INTS1: variants seen among roughly 807,000 people sequenced by gnomAD.
INTS1 encodes the protein integrator complex subunit 1.
In INTS1, 137 loss-of-function variants were observed where a neutral mutation model predicts 241.6. The observed-to-expected ratio is 0.57, with a 90% confidence interval of 0.49 to 0.65. The LOEUF (loss-of-function observed/expected upper bound fraction) is 0.65. INTS1 is among the 30% of genes least tolerant of loss of function. The pLI, the probability that INTS1 is intolerant of heterozygous loss-of-function variation, is 0.00. For missense variants in INTS1, 3,073 were observed against 3,032.2 expected (o/e 1.01, Z -0.32); for synonymous variants, 1,692 against 1,337.8 (o/e 1.26, Z -5.78).
intron 27 of INTS1, among the ~76,000 whole-genome samples, chr7:1,482,033 C>T (rs1013920379): frequency 6.6e-6 from 1 of 152,188 alleles, no homozygotes; most frequent in Non-Finnish European, 1.5e-5. Flanking sequence ...GGGCACACAA[C>T]AGCCTAGACC....
intron 14 of INTS1, chr7:1,494,599 G>A (rs1003925336): frequency 1.8e-5 from 11 of 609,098 alleles, no homozygotes; most frequent in Non-Finnish European, 3.2e-5. Flanking sequence ...GAGTCACGTG[G>A]ACGCAGACGG....
intron 40 of INTS1, 51 bp downstream of exon 40, chr7:1,474,653 AC>A (rs1281357022): frequency 5.3e-6 from 8 of 1,515,916 alleles, no homozygotes; most frequent in Admixed American, 2.1e-5. Context: ...AGAGCCGCAG[AC>A]CCCCCTGGTT....
rs754715231 is a variant in INTS1 at position 1,473,180 on chromosome 7, G to A, written c.5962C>T (p.Leu1988=). 1 of 1,607,860 alleles carries A rather than the reference G, an allele frequency of 6.2e-7. No homozygotes were observed. The highest frequency in any genetic ancestry group is 2.2e-5 in the East Asian group (1 of 44,804). ...LQKHADPLHD[L]SFDNSDLVML... is the part of the protein sequence containing the mutation. Reference sequence around the variant, plus strand: ...ACCAGGTCACTGTTGTCGAAGGACAGGTCGCTGGGGAGAGAAGATGCTTTC... The same window carrying A: ...ACCAGGTCACTGTTGTCGAAGGACAAGTCGCTGGGGAGAGAAGATGCTTTC... The change falls in exon 43 of 48, where the codon CTG becomes TTG. Residue 1988 remains leucine, a synonymous_variant. Coordinates refer to ENST00000404767, the MANE Select transcript of INTS1 (RefSeq NM_001080453.3).
At position 1,487,018 on chromosome 7, in the gene INTS1, C is replaced by A; in HGVS notation, c.2730G>T (p.Leu910=). 6.2e-7 allele frequency: 1 copy of A among 1,602,596 alleles called. No individual in the cohort carries two copies. Residue 910 remains leucine, a synonymous_variant, in exon 21 of 48, where the codon CTG becomes CTT. Transcript: ENST00000404767. ...GSLDVLPVQC[L]CEFLLHDAVD... ...CAGCATCGTGCAGCAGGAACTCGCA[C>A]AGACACTGCACGGGCAGCACGTCCA...
chr7:1,478,888 G>A lies in INTS1; in HGVS notation c.4330-3C>T, dbSNP rs751913680. The A allele has an allele frequency of 1.9e-6, 3 of 1,596,412 alleles. No individual in the cohort carries two copies. Among genetic ancestry groups the A allele is most frequent in the Non-Finnish European group, 2.6e-6 (3 of 1,167,402 alleles). ...CCGGTGTCCTGTGGCACACAGCGCTGCGGGGACAAAGTGGCACGTGGCTAC... is the reference window on the plus strand; with the variant it reads ...CCGGTGTCCTGTGGCACACAGCGCTACGGGGACAAAGTGGCACGTGGCTAC... On this transcript the variant is annotated splice_region_variant and splice_polypyrimidine_tract_variant and intron_variant, in intron 31 of 47. Transcript: ENST00000404767.
chr7:1,474,802 C>T lies in INTS1; in HGVS notation c.5539G>A (p.Ala1847Thr). 1.3e-6 allele frequency: 2 copies of T among 1,590,348 alleles called. 1 individual carries two copies. Among genetic ancestry groups the T allele is most frequent in the South Asian group, 2.3e-5 (2 of 87,044 alleles). ...GLIHRFITLL[A>T]DTSDSRALEN... ...AACGCCCGGGAGTCGCTGGTGTCCG[C>T]AAGGAGCGTGATGAAGCGGTGGATG... is the stretch of plus-strand genomic sequence containing the variant. Residue 1847 changes from alanine to threonine, a missense_variant, in exon 40 of 48, where the codon GCG (alanine) becomes ACG (threonine). Coordinates refer to ENST00000404767, the MANE Select transcript of INTS1 (RefSeq NM_001080453.3).
In INTS1 at chr7:1,477,545, C is replaced by A; in HGVS notation, c.4938+5G>T. On this transcript the variant is annotated splice_donor_5th_base_variant and intron_variant, in intron 35 of 47. Transcript: ENST00000404767. ...GTCCCCGTGCTGAAGCTGGGTGCCA[C>A]CCACCTTCCTCCGGGAGAAGAGCAG... The A allele has an allele frequency of 6.6e-7, 1 of 1,509,602 alleles. No individual in the cohort carries two copies. The highest frequency in any genetic ancestry group is 8.8e-7 in the Non-Finnish European group (1 of 1,130,940). The allele number at this position is 1,509,602 out of a possible 1,614,324, so 93.5% of individuals were successfully genotyped here. A position where few individuals can be genotyped will look rare whatever the true frequency, so the allele number is the denominator to read the frequency against.
intron 39 of INTS1, 44 bp from the exon 40 acceptor site, chr7:1,474,882 C>T (rs1277042344): frequency 1.9e-6 from 3 of 1,539,950 alleles, no homozygotes; most frequent in Non-Finnish European, 2.6e-6. Context: ...TGGCTCCCCT[C>T]ACTTGCCCAC....
Position 1,470,634 on chromosome 7 carries a change from G to C in INTS1, c.6516C>G (p.Asp2172Glu). The change falls in exon 48 of 48, where the codon GAC becomes GAG. Residue 2172 changes from aspartate (D) to glutamate (E), a missense_variant. Asp to Glu is a conservative substitution (Grantham distance 45, BLOSUM62 2). Transcript: ENST00000404767. ...GGGCCTCGGAGATCTGCGCGCTGGG[G>C]TCCATCTGGCCGTACATGCCCACCA... is the stretch of plus-strand genomic sequence containing the variant. ...AFLVGMYGQM[D>E]PSAQISEALR... 1 of 1,588,356 alleles carries C rather than the reference G, an allele frequency of 6.3e-7. No individual in the cohort carries two copies.
Position 1,497,262 on chromosome 7 carries a change from C to A in INTS1, c.1478G>T (p.Arg493Leu). ...CTCCCGCAGCAGGGCCCGCGAGGCC[C>A]GCAGGTAGTCGTCCTTGTTGGTCAG... ...DLLTNKDDYL[R>L]ASRALLREII... Residue 493 changes from arginine (R) to leucine (L), a missense_variant, in exon 11 of 48, where the codon CGG (arginine) becomes CTG (leucine). By Grantham distance (102) the Arg-to-Leu change is moderately radical. Coordinates refer to ENST00000404767, the MANE Select transcript of INTS1 (RefSeq NM_001080453.3). The surrounding 1 kb of genome is among the most constrained non-coding windows in gnomAD (Gnocchi z 5.3). 1 of 1,613,430 alleles carries A rather than the reference C, an allele frequency of 6.2e-7. No homozygotes were observed. The highest frequency in any genetic ancestry group is 8.5e-7 in the Non-Finnish European group (1 of 1,179,778).
At chr7:1,490,623 G>A (rs1052950216) in intron 16 of INTS1, among the ~76,000 whole-genome samples, 13 of 152,228 alleles carry the variant, frequency 8.5e-5, no homozygotes, top group African/African-American at 2.4e-4. Context: ...ATCGCAGGGC[G>A]TGGCCTCACT....
intron 42 of INTS1, 101 bp from the exon 43 acceptor site, chr7:1,473,285 C>T (rs1470874590): frequency 1.5e-6 from 1 of 686,694 alleles, no homozygotes; most frequent in African/African-American, 1.8e-5. Context: ...TGGACACAGG[C>T]ATGCAGGAGA....
Position 1,487,024 on chromosome 7 carries a change from C to T in INTS1, c.2724G>A (p.Gln908=), listed in dbSNP as rs199735314. 4.3e-5 allele frequency: 69 copies of T among 1,599,642 alleles called. 1 individual carries two copies. The African/African-American group carries it at 4.7e-4, about 11-fold the overall frequency. Residue 908 remains glutamine, a synonymous_variant, in exon 21 of 48, where the codon CAG becomes CAA. Transcript: ENST00000404767. ...SEGSLDVLPV[Q]CLCEFLLHDA... ...CGTGCAGCAGGAACTCGCACAGACA[C>T]TGCACGGGCAGCACGTCCAGGGAGC... is the stretch of plus-strand genomic sequence containing the variant.
intron 14 of INTS1, chr7:1,494,549 TG>T (rs1782751541): frequency 1.8e-6 from 1 of 548,462 alleles, no homozygotes; most frequent in Non-Finnish European, 3.3e-6. Context: ...TGGAAGCAAC[TG>T]GAAGGCGGGG....
Position 1,471,143 on chromosome 7 carries a change from T to C in INTS1, c.6337A>G (p.Asn2113Asp). The part of the protein sequence containing the change: ...AFSLALRSMQ[N>D]SPSIAAAFLP... Reference sequence around the variant, plus strand: ...CGGCGGTGGCCTCACCTGGGGCTGTTCTGCATGGAGCGCAGGGCCAGGCTG... The same window carrying C: ...CGGCGGTGGCCTCACCTGGGGCTGTCCTGCATGGAGCGCAGGGCCAGGCTG... The change falls in exon 46 of 48, where the codon AAC becomes GAC. Residue 2113 changes from asparagine to aspartate, a missense_variant. Asn to Asp is a conservative substitution (Grantham distance 23, BLOSUM62 1). Coordinates refer to ENST00000404767, the MANE Select transcript of INTS1 (RefSeq NM_001080453.3). 1.9e-6 allele frequency: 3 copies of C among 1,572,008 alleles called. No individual in the cohort carries two copies. The South Asian group carries it at 3.5e-5, about 18-fold the overall frequency.
In INTS1 at chr7:1,486,779, AG is replaced by A; in HGVS notation, c.2827-6del. ...CTGCCGCTGCTTCTGTTGCCTCTGC[AG>A]GGAGGAAGGGGCTCTCAGGGGTGCA... On this transcript the variant is annotated splice_region_variant and splice_polypyrimidine_tract_variant and intron_variant, in intron 21 of 47. Transcript: ENST00000404767. The A allele has an allele frequency of 6.2e-7, 1 of 1,611,428 alleles. No homozygotes were observed. The highest frequency in any genetic ancestry group is 1.1e-5 in the South Asian group (1 of 91,040).
At chr7:1,491,804 G>A (rs185412304) in intron 16 of INTS1, among the ~76,000 whole-genome samples, 82 of 152,290 alleles carry the variant, frequency 5.4e-4, no homozygotes, top group Middle Eastern at 3.4e-3. Context: ...AGGCCAAGGC[G>A]GGAGGACCGC....
intron 26 of INTS1, 31 bp downstream of exon 26, chr7:1,483,711 G>C (rs778120446): frequency 6.4e-7 from 1 of 1,564,288 alleles, no homozygotes; most frequent in East Asian, 2.2e-5. Flanking sequence ...CTGGCACGAA[G>C]CTGCCCCTCC....
rs1781497121 is a variant in INTS1 at position 1,472,111 on chromosome 7, T to A, written c.6184+162A>T. 3 of 622,930 alleles carry A rather than the reference T, an allele frequency of 4.8e-6. No individual in the cohort carries two copies. In the South Asian group the frequency reaches 5.6e-5, roughly 12 times the overall value. The allele number at this position is 622,930 out of a possible 1,614,324, so 38.6% of individuals were successfully genotyped here. On this transcript the variant is annotated intron_variant, in intron 44 of 47. Coordinates refer to ENST00000404767, the MANE Select transcript of INTS1 (RefSeq NM_001080453.3). Reference sequence around the variant, plus strand: ...GGGCCCCTGAGTTTCTAAGGCCCTCTCTGGGGGTGCTCCCCACTGTGAGGA... The same window carrying A: ...GGGCCCCTGAGTTTCTAAGGCCCTCACTGGGGGTGCTCCCCACTGTGAGGA...
Sources: gnomAD v4.1 joint callset for allele counts (sites outside exome capture counted in the v4.1 genomes callset) on GRCh38, gnomAD v4.1.1 for gene constraint, Gnocchi (gnomAD v3.1) non-coding constraint, MANE v1.5 for transcripts, NCBI Gene and HGNC (gene_info 2026-07-23, HGNC 2026-07-21) for gene names.